Variants in ASIP observed in about 807,000 individuals in gnomAD.
ASIP encodes agouti-signaling protein.
In ASIP, 11 loss-of-function variants were observed where a neutral mutation model predicts 10.3. That is an observed-to-expected ratio of 1.07 (90% confidence interval 0.68 to 1.78). The LOEUF (loss-of-function observed/expected upper bound fraction) is 1.78, where lower values mean the gene tolerates loss of function less well. Among genes scored for constraint, ASIP ranks in the 40% most tolerant of loss-of-function variants. ASIP has a pLI of 0.00. For missense variants in ASIP, 180 were observed against 169.2 expected (o/e 1.06, Z -0.35); for synonymous variants, 70 against 70.8 (o/e 0.99, Z 0.06).
chr20:34,268,129 GA>G (rs1318534151), intron 3 of ASIP, among the ~76,000 whole-genome samples: 1 of 152,070 alleles, frequency 6.6e-6, no homozygotes, highest in Non-Finnish European at 1.5e-5. Context: ...AATTAAATTT[GA>G]AAATTCAGTT....
chr20:34,256,596 C>G (rs957478392), intron 1 of ASIP, among the ~76,000 whole-genome samples: 1 of 152,160 alleles, frequency 6.6e-6, no homozygotes, highest in Non-Finnish European at 1.5e-5. Context: ...AGCCACCATG[C>G]CTGGCCTCTT....
intron 1 of ASIP, among the ~76,000 whole-genome samples, chr20:34,258,868 TA>T (rs2035638549): frequency 7.9e-6 from 1 of 125,860 alleles, no homozygotes; most frequent in African/African-American, 2.9e-5. Context: ...ATGATATATA[TA>T]ATACTATATA....
chr20:34,204,434 A>C (rs2034921728), intron 1 of ASIP, among the ~76,000 whole-genome samples: 1 of 151,672 alleles, frequency 6.6e-6, no homozygotes, highest in South Asian at 2.1e-4. Context: ...GGTTAGGCTG[A>C]TCTTGAACTC....
At chr20:34,253,628 A>T (rs1262201271) in intron 1 of ASIP, among the ~76,000 whole-genome samples, 5 of 151,328 alleles carry the variant, frequency 3.3e-5, no homozygotes, top group Non-Finnish European at 7.4e-5. Flanking sequence ...TGCACCACCA[A>T]GCCTGGCTAA....
At chr20:34,204,601 ATCCTTATCTTAGT>A (rs2034922921) in intron 1 of ASIP, among the ~76,000 whole-genome samples, 1 of 152,224 alleles carries the variant, frequency 6.6e-6, no homozygotes, top group Non-Finnish European at 1.5e-5. Flanking sequence ...AATAGCAGGC[ATCCTTATCTTAGT>A]TCTGATAGAA....
chr20:34,211,137 C>T (rs1045744308), intron 1 of ASIP, among the ~76,000 whole-genome samples: 2 of 152,148 alleles, frequency 1.3e-5, no homozygotes, highest in Non-Finnish European at 2.9e-5. Context: ...TTAAGCAATC[C>T]TGCTGCCTCT....
chr20:34,220,241 C>CA (rs1457191292), intron 1 of ASIP, among the ~76,000 whole-genome samples: 2 of 152,126 alleles, frequency 1.3e-5, no homozygotes, highest in Non-Finnish European at 2.9e-5. Flanking sequence ...TCATGAAACT[C>CA]AAAGTCTAAG....
chr20:34,244,861 A>G (rs1169425245), intron 1 of ASIP, among the ~76,000 whole-genome samples: 1 of 152,236 alleles, frequency 6.6e-6, no homozygotes, highest in Non-Finnish European at 1.5e-5. Flanking sequence ...TTGAACCACA[A>G]ATTTATTAGA....
At chr20:34,215,880 C>T in intron 1 of ASIP, 1 of 1,022,138 alleles carries the variant, frequency 9.8e-7, no homozygotes, top group Non-Finnish European at 1.6e-6. Context: ...CCTAATAGAG[C>T]CTGTTTATCC....
chr20:34,238,631 G>A (rs1199219753), upstream of ASIP, among the ~76,000 whole-genome samples: 1 of 151,522 alleles, frequency 6.6e-6, no homozygotes, highest in Non-Finnish European at 1.5e-5. Context: ...TAATATATTT[G>A]TCTAGTAGGT....
chr20:34,190,658 C>G (rs1251066436), upstream of ASIP, among the ~76,000 whole-genome samples: 1 of 152,232 alleles, frequency 6.6e-6, no homozygotes, highest in Non-Finnish European at 1.5e-5. Flanking sequence ...CTTCGGAATT[C>G]TGTATCTCAT....
At chr20:34,231,447 A>C (rs1022759636) in intron 1 of ASIP, among the ~76,000 whole-genome samples, 8 of 152,288 alleles carry the variant, frequency 5.3e-5, no homozygotes, top group African/African-American at 1.9e-4. Flanking sequence ...AACATAGAAG[A>C]AATCTTTTGT....
chr20:34,233,282 G>A (rs2035136903), intron 1 of ASIP, among the ~76,000 whole-genome samples: 1 of 151,514 alleles, frequency 6.6e-6, no homozygotes, highest in Non-Finnish European at 1.5e-5. Context: ...CAAGTAGCTG[G>A]GACTACAGGC....
At chr20:34,256,411 CAT>C (rs766062359) in intron 1 of ASIP, among the ~76,000 whole-genome samples, 9 of 152,176 alleles carry the variant, frequency 5.9e-5, no homozygotes, top group Admixed American at 1.3e-4. Flanking sequence ...CGTCTCCACA[CAT>C]GAGGAGAAAA....
intron 1 of ASIP, among the ~76,000 whole-genome samples, chr20:34,253,146 T>G (rs1457791187): frequency 6.6e-6 from 1 of 152,036 alleles, no homozygotes; most frequent in African/African-American, 2.4e-5. Context: ...CTCGCTCTGT[T>G]GCCCAGGCTG....
intron 1 of ASIP, among the ~76,000 whole-genome samples, chr20:34,256,408 A>G (rs1245193375): frequency 6.6e-6 from 1 of 152,116 alleles, no homozygotes; most frequent in East Asian, 1.9e-4. Flanking sequence ...TCTCGTCTCC[A>G]CACATGAGGA....
intron 1 of ASIP, among the ~76,000 whole-genome samples, chr20:34,227,124 TAATA>T (rs1454527666): frequency 6.6e-6 from 1 of 152,174 alleles, no homozygotes; most frequent in African/African-American, 2.4e-5. Flanking sequence ...CTGCTAGAAC[TAATA>T]AATGAGTTTA....
At chr20:34,216,003 TC>T in intron 1 of ASIP, 1 of 708,172 alleles carries the variant, frequency 1.4e-6, no homozygotes, top group Non-Finnish European at 2.6e-6. Context: ...CAGCCTGAAC[TC>T]CATGGTCAGC....
intron 1 of ASIP, chr20:34,215,443 T>G (rs2035001223): frequency 1.3e-6 from 2 of 1,528,820 alleles, no homozygotes; most frequent in Middle Eastern, 1.7e-4. Flanking sequence ...CAACTCTGAG[T>G]TGATAGCCAT....
Sources: allele counts gnomAD v4.1 joint callset (sites outside exome capture counted in the v4.1 genomes callset), GRCh38; gene constraint gnomAD v4.1.1; transcripts MANE v1.5; gene names NCBI Gene and HGNC (gene_info 2026-07-23, HGNC 2026-07-21).